Variants in CDH13 observed in about 807,000 individuals in gnomAD.
CDH13 encodes cadherin-13.
In CDH13, 24 loss-of-function variants were observed where a neutral mutation model predicts 63.8. That is an observed-to-expected ratio of 0.38 (90% CI 0.27 to 0.53). CDH13 has a LOEUF of 0.53. Among genes scored for constraint, CDH13 ranks in the 20% least tolerant of loss-of-function variants. CDH13 has a pLI of 0.85. For missense variants in CDH13, 1,049 were observed against 903.1 expected, an observed-to-expected ratio of 1.16 and a Z score of -2.07; for synonymous variants, 503 against 355.3, an observed-to-expected ratio of 1.42 and a Z score of -4.67.
At chr16:82,871,529 T>C (rs2040340761) in intron 2 of CDH13, among the ~76,000 whole-genome samples, 2 of 152,186 alleles carry the variant, frequency 1.3e-5, no homozygotes, top group Non-Finnish European at 2.9e-5. Flanking sequence ...AGAAGCAGAA[T>C]CACTGGAGTC....
intron 2 of CDH13, among the ~76,000 whole-genome samples, chr16:82,945,782 A>G (rs760533006): frequency 2.6e-5 from 4 of 152,186 alleles, no homozygotes; most frequent in Admixed American, 6.5e-5. Flanking sequence ...AAGTATTATT[A>G]TCCTAAAAAA....
chr16:83,069,459 G>C (rs138806434), intron 3 of CDH13, among the ~76,000 whole-genome samples: 3 of 152,256 alleles, frequency 2.0e-5, no homozygotes, highest in Non-Finnish European at 4.4e-5. Flanking sequence ...TTTCATGTAT[G>C]TAACAGCCCC....
In CDH13 at chr16:83,795,121, C is replaced by T. The variant is rs1904275497; in HGVS notation, c.*91C>T. The T allele has an allele frequency of 1.8e-6, 2 of 1,138,036 alleles. No individual in the cohort carries two copies. The highest frequency in any genetic ancestry group is 2.5e-6 in the Non-Finnish European group (2 of 795,284). The allele number at this position is 1,138,036 out of a possible 1,614,324, so 70.5% of individuals were successfully genotyped here. ...CAAATCTGAAGATTGCGGTTTACAGCTATCGAACTTCACAACTAGGCCTCA... is the reference window on the plus strand; with the variant it reads ...CAAATCTGAAGATTGCGGTTTACAGTTATCGAACTTCACAACTAGGCCTCA... On this transcript the variant is annotated 3_prime_UTR_variant, in exon 14 of 14. Transcript: ENST00000567109.
intron 2 of CDH13, among the ~76,000 whole-genome samples, chr16:82,943,346 C>A (rs1285062768): frequency 6.6e-6 from 1 of 152,056 alleles, no homozygotes; most frequent in Admixed American, 6.5e-5. Context: ...GTACCCTTTG[C>A]AGGATAGACT....
chr16:82,656,727 C>T (rs1335757721), intron 1 of CDH13, among the ~76,000 whole-genome samples: 1 of 152,162 alleles, frequency 6.6e-6, no homozygotes, highest in African/African-American at 2.4e-5. Flanking sequence ...CTTGCTCTGC[C>T]TATTTGCCTA....
intron 1 of CDH13, among the ~76,000 whole-genome samples, chr16:82,651,370 C>G (rs1307997156): frequency 6.6e-6 from 1 of 152,212 alleles, no homozygotes; most frequent in African/African-American, 2.4e-5. Context: ...CATTGATCTT[C>G]ACCCAACCAT....
At chr16:82,686,133 T>C (rs1030972086) in intron 1 of CDH13, among the ~76,000 whole-genome samples, 19 of 152,230 alleles carry the variant, frequency 1.2e-4, no homozygotes, top group African/African-American at 4.3e-4. Context: ...TCATCTTAAT[T>C]ATCAAAATAC....
At chr16:83,019,679 A>G (rs1427523764) in intron 2 of CDH13, among the ~76,000 whole-genome samples, 1 of 151,304 alleles carries the variant, frequency 6.6e-6, no homozygotes, top group South Asian at 2.1e-4. Flanking sequence ...CATGTTTTGT[A>G]GATATGGAGT....
intron 10 of CDH13, among the ~76,000 whole-genome samples, chr16:83,733,545 G>A (rs995982967): frequency 2.6e-5 from 4 of 152,128 alleles, no homozygotes; most frequent in Admixed American, 6.5e-5. Context: ...GTCATAATGC[G>A]AGGCTCAGCC....
intron 9 of CDH13, among the ~76,000 whole-genome samples, chr16:83,673,579 A>G (rs76082697): frequency 6.6e-6 from 1 of 152,184 alleles, no homozygotes; most frequent in Admixed American, 6.5e-5. Flanking sequence ...CAAAATAACA[A>G]CAACGAAAAA....
intron 4 of CDH13, among the ~76,000 whole-genome samples, chr16:83,192,805 G>A (rs1483150577): frequency 6.6e-6 from 1 of 152,106 alleles, no homozygotes; most frequent in Non-Finnish European, 1.5e-5. Flanking sequence ...CCCAACAACT[G>A]CCCCCTAAGT....
rs536930423 is a variant in CDH13, at chr16:83,012,609, C to G, written c.158-19401C>G. Among the ~76,000 whole-genome samples the G allele has an allele frequency of 1.8e-4, 28 of 152,148 alleles. No homozygotes were observed. In the South Asian group the frequency reaches 5.6e-3, roughly 30 times the overall value. On this transcript the variant is annotated intron_variant, in intron 2 of 13. Transcript: ENST00000567109. ...AATCATATTAAAAGATAACGGATCA[C>G]TTTAAGTATGGGAAACAGACCTTGA...
intron 2 of CDH13, among the ~76,000 whole-genome samples, chr16:83,015,197 T>A (rs1914636162): frequency 6.6e-6 from 1 of 151,962 alleles, no homozygotes; most frequent in Non-Finnish European, 1.5e-5. Flanking sequence ...ACAGGCTGCA[T>A]CTCCTATTTC....
chr16:83,706,433 G>A (rs942332177), intron 10 of CDH13, among the ~76,000 whole-genome samples: 4 of 152,148 alleles, frequency 2.6e-5, no homozygotes, highest in Non-Finnish European at 5.9e-5. Context: ...TATTAGCATG[G>A]CCATTTTTGG....
chr16:82,852,826 C>T (rs890277937), intron 1 of CDH13, among the ~76,000 whole-genome samples: 1 of 152,188 alleles, frequency 6.6e-6, no homozygotes, highest in South Asian at 2.1e-4. Flanking sequence ...ACTTCTCTGG[C>T]TAAACTAACC....
chr16:83,665,160 G>C (rs79382293), intron 8 of CDH13, among the ~76,000 whole-genome samples: 1 of 145,498 alleles, frequency 6.9e-6, no homozygotes, highest in Admixed American at 6.9e-5. Flanking sequence ...TGAGTGCCAG[G>C]CATACATAAC....
chr16:82,710,194 A>G (rs1490765760), intron 1 of CDH13, among the ~76,000 whole-genome samples: 1 of 144,878 alleles, frequency 6.9e-6, no homozygotes, highest in Non-Finnish European at 1.5e-5. Flanking sequence ...TAAATTTATT[A>G]TTTATATATT....
chr16:82,648,059 T>C (rs760779744), intron 1 of CDH13, among the ~76,000 whole-genome samples: 9 of 152,174 alleles, frequency 5.9e-5, no homozygotes, highest in Non-Finnish European at 1.3e-4. Context: ...ATGCCTTTAC[T>C]CCTCCTTCGT....
chr16:83,470,024 G>A (rs559777838), intron 6 of CDH13, among the ~76,000 whole-genome samples: 88 of 152,216 alleles, frequency 5.8e-4, no homozygotes, highest in African/African-American at 2.0e-3. Context: ...GGTGATACTT[G>A]TTGTAACAGG....
Sources: gnomAD v4.1 joint callset for allele counts (sites outside exome capture counted in the v4.1 genomes callset) on GRCh38, gnomAD v4.1.1 for gene constraint, MANE v1.5 for transcripts, NCBI Gene and HGNC (gene_info 2026-07-23, HGNC 2026-07-21) for gene names.